Variants in ANAPC1 observed in about 807,000 individuals in gnomAD.
The protein encoded by ANAPC1 is anaphase-promoting complex subunit 1.
A neutral mutation model predicts 208.0 loss-of-function variants in ANAPC1; 36 were observed. That is an observed-to-expected ratio of 0.17 (90% CI 0.13 to 0.23). The LOEUF (loss-of-function observed/expected upper bound fraction) is 0.23. Among genes scored for constraint, ANAPC1 ranks in the 10% least tolerant of loss-of-function variants. The pLI, the probability that ANAPC1 is intolerant of heterozygous loss-of-function variation, is 1.00. For missense variants in ANAPC1, 942 were observed against 2,011.6 expected (o/e 0.47, Z 10.17); for synonymous variants, 378 against 695.2 (o/e 0.54, Z 7.18).
chr2:111,882,100 C>T (rs1489290785), intron 1 of ANAPC1, among the ~76,000 whole-genome samples: 1 of 151,772 alleles, frequency 6.6e-6, no homozygotes, highest in African/African-American at 2.4e-5. Flanking sequence ...AGGAGAATGG[C>T]GTGAACCCAG....
At chr2:111,836,009 A>C (rs903348464) in intron 18 of ANAPC1, among the ~76,000 whole-genome samples, 2 of 152,178 alleles carry the variant, frequency 1.3e-5, no homozygotes, top group African/African-American at 4.8e-5. Context: ...TTAAAATCTA[A>C]TTTACAAGTA....
Position 111,857,557 on chromosome 2 carries a change from A to G in ANAPC1, c.1359-671T>C, listed in dbSNP as rs572136705. 7.8e-3 allele frequency among the ~76,000 whole-genome samples: 1,194 copies of G among 152,362 alleles called. 16 individuals are homozygous for G. Among genetic ancestry groups the G allele is most frequent in the African/African-American group, 0.027 (1,138 of 41,584 alleles). ...GATGATATCCAATCCTGTCAAGGAT[A>G]AAGAGACATTAACCTTCATATTTTG... On this transcript the variant is annotated intron_variant, in intron 11 of 47. Transcript: ENST00000341068.
intron 7 of ANAPC1, among the ~76,000 whole-genome samples, chr2:111,867,721 AAAAT>A (rs1682514003): frequency 6.6e-6 from 1 of 151,856 alleles, no homozygotes; most frequent in Non-Finnish European, 1.5e-5. Flanking sequence ...ACAACAACAA[AAAAT>A]AAACTTTACT....
chr2:111,868,440 G>T (rs1216711657), intron 6 of ANAPC1, among the ~76,000 whole-genome samples: 2 of 152,120 alleles, frequency 1.3e-5, no homozygotes, highest in Admixed American at 1.3e-4. Flanking sequence ...TGTGTCTTTG[G>T]CAGCTAAGAA....
chr2:111,825,101 A>T (rs758965429), intron 23 of ANAPC1, 30 bp downstream of exon 23: 13 of 1,613,826 alleles, frequency 8.1e-6, no homozygotes, highest in Non-Finnish European at 1.7e-6. Context: ...TAAGTGTTTG[A>T]CATAAAAGCA....
At chr2:111,872,513 A>G (rs1188811034) in intron 6 of ANAPC1, 117 bp downstream of exon 6, 5 of 801,160 alleles carry the variant, frequency 6.2e-6, no homozygotes, top group Non-Finnish European at 7.9e-6. Flanking sequence ...AAAATGGCAT[A>G]TATCTATGCT....
intron 10 of ANAPC1, among the ~76,000 whole-genome samples, chr2:111,858,719 G>A (rs1320317857): frequency 1.4e-5 from 2 of 146,292 alleles, no homozygotes; most frequent in African/African-American, 2.6e-5. Flanking sequence ...CCAAGATCAC[G>A]CCACTGCACT....
At chr2:111,847,981 C>T (rs569385670) in intron 14 of ANAPC1, 116 bp from the exon 15 acceptor site, 1 of 775,188 alleles carries the variant, frequency 1.3e-6, no homozygotes, top group East Asian at 3.0e-5. Context: ...TGTAATGATT[C>T]AAAAACATTC....
chr2:111,770,590 CAT>C (rs886444667), intron 47 of ANAPC1, among the ~76,000 whole-genome samples: 28 of 149,680 alleles, frequency 1.9e-4, no homozygotes, highest in African/African-American at 6.3e-4. Flanking sequence ...ACGGTTTCCA[CAT>C]GTCTCTTGTA....
At position 111,812,416 on chromosome 2, in the gene ANAPC1, T is replaced by C. The variant is rs1294935536; in HGVS notation, c.3597+2954A>G. ...CCAAGCAGGCAGCATCCACCAATAA[T>C]CCTCAATGAGACTCAGACACTGCTC... On this transcript the variant is annotated intron_variant, in intron 28 of 47. Transcript: ENST00000341068. Among the ~76,000 whole-genome samples, 2 of 85,750 alleles carry C rather than the reference T, an allele frequency of 2.3e-5. 1 individual carries two copies. The highest frequency in any genetic ancestry group is 7.8e-5 in the African/African-American group (2 of 25,682). The allele number at this position is 85,750 out of a possible 152,430, so 56.3% of individuals were successfully genotyped here.
At chr2:111,841,756 G>A (rs1405581640) in intron 17 of ANAPC1, among the ~76,000 whole-genome samples, 1 of 152,158 alleles carries the variant, frequency 6.6e-6, no homozygotes, top group Non-Finnish European at 1.5e-5. Context: ...GATTACTGTG[G>A]CCACTGGACT....
chr2:111,810,882 CAA>C (rs1162540899), intron 28 of ANAPC1, among the ~76,000 whole-genome samples: 3 of 71,810 alleles, frequency 4.2e-5, no homozygotes, highest in African/African-American at 1.3e-4. Context: ...GACTCCACAT[CAA>C]AAAAAAAAAA....
At chr2:111,850,189 T>C (rs1350205059) in intron 14 of ANAPC1, among the ~76,000 whole-genome samples, 1 of 151,554 alleles carries the variant, frequency 6.6e-6, no homozygotes, top group Non-Finnish European at 1.5e-5. Flanking sequence ...TTATAAGTAT[T>C]TATTCTACAG....
At chr2:111,874,585 T>C (rs921051017) in intron 3 of ANAPC1, among the ~76,000 whole-genome samples, 2 of 152,234 alleles carry the variant, frequency 1.3e-5, no homozygotes, top group African/African-American at 4.8e-5. Flanking sequence ...ATCCATGTTA[T>C]GACATGTATC....
Position 111,873,527 on chromosome 2 carries a change from G to C in ANAPC1, c.427+86C>G, listed in dbSNP as rs1030265369. The C allele has an allele frequency of 2.3e-5, 34 of 1,464,446 alleles. No homozygotes were observed. In the African/African-American group the frequency reaches 4.2e-4, roughly 18 times the overall value. 90.7% of individuals were successfully genotyped at this position (1,464,446 alleles called of 1,614,324 possible). ...TGCTTATGGTAAACCACTATTACTA[G>C]TGGCTACTTCATTTGAATGAAAAAT... On this transcript the variant is annotated intron_variant, in intron 4 of 47. Coordinates refer to ENST00000341068, the MANE Select transcript of ANAPC1 (RefSeq NM_022662.4).
At chr2:111,861,915 CT>C (rs1226847424) in intron 10 of ANAPC1, among the ~76,000 whole-genome samples, 9 of 118,068 alleles carry the variant, frequency 7.6e-5, no homozygotes, top group East Asian at 4.8e-4. Flanking sequence ...TTTATGATGA[CT>C]TTTTTTTTTT....
Position 111,868,009 on chromosome 2 carries a change from A to C in ANAPC1, c.685+14T>G, listed in dbSNP as rs1385372948. 2 of 1,554,508 alleles carry C rather than the reference A, an allele frequency of 1.3e-6. No individual in the cohort carries two copies. Among genetic ancestry groups the C allele is most frequent in the East Asian group, 4.5e-5 (2 of 44,062 alleles). Reference sequence around the variant, plus strand: ...AAAAAGAGCTTATCTAAAAGAATATAGAAATACACTTACTTCCAGATTTAC... The same window carrying C: ...AAAAAGAGCTTATCTAAAAGAATATCGAAATACACTTACTTCCAGATTTAC... On this transcript the variant is annotated intron_variant, in intron 7 of 47. Coordinates refer to ENST00000341068, the MANE Select transcript of ANAPC1 (RefSeq NM_022662.4).
rs1676537607 is a variant in ANAPC1, at chr2:111,768,243, G to C, written c.*1048C>G. 1 of 152,086 alleles carries C rather than the reference G, an allele frequency of 6.6e-6. No homozygotes were observed. The highest frequency in any genetic ancestry group is 1.5e-5 in the Non-Finnish European group (1 of 68,040). 9.4% of individuals were successfully genotyped at this position (152,086 alleles called of 1,614,324 possible). ...TATGAACATTTTTCATCATCATCTAGTCCAGAAATCCCTCCTTTTATAGAC... is the reference window on the plus strand; with the variant it reads ...TATGAACATTTTTCATCATCATCTACTCCAGAAATCCCTCCTTTTATAGAC... On this transcript the variant is annotated 3_prime_UTR_variant, in exon 48 of 48. Coordinates refer to ENST00000341068, the MANE Select transcript of ANAPC1 (RefSeq NM_022662.4).
At chr2:111,866,205 A>AAG (rs1553435209) in intron 7 of ANAPC1, 1 of 264,958 alleles carries the variant, frequency 3.8e-6, no homozygotes, top group Non-Finnish European at 7.4e-6. Context: ...CTCTGTCTCA[A>AAG]AAAAAAAAAA....
Sources: allele counts gnomAD v4.1 joint callset (sites outside exome capture counted in the v4.1 genomes callset), GRCh38; gene constraint gnomAD v4.1.1; transcripts MANE v1.5; gene names NCBI Gene and HGNC (gene_info 2026-07-23, HGNC 2026-07-21).